The following SAXO1 variants were observed in gnomAD, a reference collection of about 807,000 sequenced individuals.
SAXO1 encodes the protein stabilizer of axonemal microtubules 1, also known as 4930500O09Rik.
SAXO1 carries 21 observed loss-of-function variants against 17.5 expected under a neutral mutation model. The observed-to-expected ratio is 1.20, with a 90% CI of 0.85 to 1.72. The LOEUF (loss-of-function observed/expected upper bound fraction) is 1.72. SAXO1 is among the 40% of genes most tolerant of loss of function. The pLI is 0.00. For missense variants in SAXO1, 843 were observed against 596.0 expected, an observed-to-expected ratio of 1.41 and a Z score of -4.32; for synonymous variants, 274 against 216.5, an observed-to-expected ratio of 1.27 and a Z score of -2.33.
chr9:18,984,715 T>G (rs1833528120), intron 1 of SAXO1, among the ~76,000 whole-genome samples: 1 of 152,166 alleles, frequency 6.6e-6, no homozygotes, highest in Non-Finnish European at 1.5e-5. Context: ...TGCTAAAACT[T>G]TCTCCATATC....
At chr9:19,012,832 T>G (rs1341670539) in intron 1 of SAXO1, among the ~76,000 whole-genome samples, 1 of 152,244 alleles carries the variant, frequency 6.6e-6, no homozygotes, top group East Asian at 1.9e-4. Context: ...CACAGCAGTC[T>G]GTATTAGCCA....
chr9:19,014,508 A>C (rs1019327663), intron 1 of SAXO1, among the ~76,000 whole-genome samples: 40 of 151,842 alleles, frequency 2.6e-4, no homozygotes, highest in African/African-American at 9.4e-4. Context: ...AAATTTAAAA[A>C]AAAATTGGCA....
rs546505299 is a variant in SAXO1 at position 19,015,907 on chromosome 9, G to A, written c.38+16964C>T. 2.8e-4 allele frequency among the ~76,000 whole-genome samples: 42 copies of A among 152,240 alleles called. 1 individual carries two copies. The South Asian group carries it at 5.0e-3, about 18-fold the overall frequency. On this transcript the variant is annotated intron_variant, in intron 1 of 3. Transcript: ENST00000380534. ...TGAATCACCAAAGTTGTTAAAACTT[G>A]CAGATTCCTGAGCCTCAGACCCACA...
chr9:19,030,426 G>A (rs1169630316), intron 1 of SAXO1, among the ~76,000 whole-genome samples: 1 of 152,184 alleles, frequency 6.6e-6, no homozygotes, highest in Non-Finnish European at 1.5e-5. Context: ...GAGTCAATGT[G>A]CCAGGCTCGG....
chr9:18,999,231 C>A (rs570118374), intron 1 of SAXO1, among the ~76,000 whole-genome samples: 2 of 152,370 alleles, frequency 1.3e-5, no homozygotes, highest in African/African-American at 4.8e-5. Context: ...GAAAGACACA[C>A]ACAGGCTTAA....
chr9:19,014,217 T>C (rs886081084), intron 1 of SAXO1, among the ~76,000 whole-genome samples: 14 of 151,812 alleles, frequency 9.2e-5, no homozygotes, highest in African/African-American at 3.4e-4. Flanking sequence ...TCGCAGCACT[T>C]TGGGAGGCTG....
chr9:19,028,363 G>A (rs548956070), intron 1 of SAXO1, among the ~76,000 whole-genome samples: 11 of 152,252 alleles, frequency 7.2e-5, no homozygotes, highest in Admixed American at 2.0e-4. Context: ...GCAACAGAGC[G>A]AGACTCCGTC....
chr9:18,958,147 G>A (rs571604298), intron 1 of SAXO1, among the ~76,000 whole-genome samples: 15 of 152,190 alleles, frequency 9.9e-5, no homozygotes, highest in Non-Finnish European at 1.8e-4. Context: ...ATCCTAGCCA[G>A]GTGCGGTGGC....
intron 3 of SAXO1, among the ~76,000 whole-genome samples, chr9:18,934,636 G>T (rs1478546331): frequency 1.3e-5 from 2 of 151,992 alleles, no homozygotes; most frequent in African/African-American, 4.8e-5. Context: ...TGAAATATTT[G>T]TCTGCGATGT....
chr9:19,030,110 G>A (rs10757025), intron 1 of SAXO1, among the ~76,000 whole-genome samples: 73,340 of 151,960 alleles, frequency 0.48, 19,393 homozygotes, highest in African/African-American at 0.71. Context: ...CAGGGAACTT[G>A]CAAGTGAAAC....
intron 1 of SAXO1, among the ~76,000 whole-genome samples, chr9:18,968,684 C>G (rs1305460425): frequency 6.6e-6 from 1 of 151,832 alleles, no homozygotes; most frequent in African/African-American, 2.4e-5. Context: ...ACCTCCGCCT[C>G]TCAGGTTCAA....
At chr9:19,014,957 C>T (rs1267923750) in intron 1 of SAXO1, among the ~76,000 whole-genome samples, 2 of 152,070 alleles carry the variant, frequency 1.3e-5, no homozygotes, top group Admixed American at 6.6e-5. Flanking sequence ...TTCTCTAATA[C>T]TTAAGGGGGT....
At position 18,928,071 on chromosome 9, in the gene SAXO1, T is replaced by A. The variant is rs778885191; in HGVS notation, c.1406A>T (p.Glu469Val). 1.8e-5 allele frequency: 29 copies of A among 1,602,580 alleles called. No homozygotes were observed. The highest frequency in any genetic ancestry group is 2.3e-5 in the Non-Finnish European group (27 of 1,171,686). Reference sequence around the variant, plus strand: ...TCAAAATCAGGCTAACACTTCCAACTCCCTCTGGTTGGGGTTTTCTGAATC... The same window carrying A: ...TCAAAATCAGGCTAACACTTCCAACACCCTCTGGTTGGGGTTTTCTGAATC... ...VDDSENPNQR[E>V]LEVLA The change falls in exon 4 of 4, where the codon GAG becomes GTG. Residue 469 changes from glutamate (E) to valine (V), a missense_variant. By Grantham distance (121) the Glu-to-Val change is moderately radical. Coordinates refer to ENST00000380534, the MANE Select transcript of SAXO1 (RefSeq NM_153707.4).
chr9:19,046,805 G>A (rs1836228377), intron 1 of SAXO1, among the ~76,000 whole-genome samples: 1 of 152,162 alleles, frequency 6.6e-6, no homozygotes. Flanking sequence ...GGTGGTGGCT[G>A]CAGTGAGCTA....
chr9:18,998,296 G>A (rs1047197694), intron 1 of SAXO1, among the ~76,000 whole-genome samples: 1 of 152,128 alleles, frequency 6.6e-6, no homozygotes, highest in Non-Finnish European at 1.5e-5. Context: ...GAAAACCACA[G>A]TAAGAGAACT....
At chr9:18,937,117 C>CA (rs1011797208) in intron 3 of SAXO1, among the ~76,000 whole-genome samples, 3 of 152,160 alleles carry the variant, frequency 2.0e-5, no homozygotes, top group African/African-American at 4.8e-5. Flanking sequence ...AAGAAAGCAG[C>CA]AAATTTTCAC....
intron 1 of SAXO1, among the ~76,000 whole-genome samples, chr9:19,005,089 C>T (rs1438175606): frequency 1.3e-5 from 2 of 152,030 alleles, no homozygotes; most frequent in African/African-American, 4.8e-5. Flanking sequence ...AAGTGAAAGA[C>T]TTTCACATTC....
At chr9:19,038,204 C>T (rs550216913), upstream of SAXO1, among the ~76,000 whole-genome samples, 1 of 152,260 alleles carries the variant, frequency 6.6e-6, no homozygotes, top group Admixed American at 6.5e-5. Context: ...TGTGGCGATT[C>T]CTCAGGGATC....
intron 3 of SAXO1, among the ~76,000 whole-genome samples, chr9:18,932,097 T>C (rs1466935002): frequency 6.6e-6 from 1 of 152,270 alleles, no homozygotes; most frequent in African/African-American, 2.4e-5. Flanking sequence ...AAATCATGCT[T>C]TTGATGCCAT....
Sources: gnomAD v4.1 joint callset for allele counts (sites outside exome capture counted in the v4.1 genomes callset) on GRCh38, gnomAD v4.1.1 for gene constraint, MANE v1.5 for transcripts, NCBI Gene and HGNC (gene_info 2026-07-23, HGNC 2026-07-21) for gene names.